The following PDK1 variants were observed in gnomAD, a reference collection of about 807,000 sequenced individuals.
PDK1 encodes the protein pyruvate dehydrogenase kinase 1, also known as [Pyruvate dehydrogenase (acetyl-transferring)] kinase isozyme 1, mitochondrial.
Under a neutral mutation model 54.2 loss-of-function variants are expected in PDK1, and 39 were observed. The observed-to-expected ratio is 0.72, with a 90% confidence interval of 0.56 to 0.94. PDK1 has a LOEUF of 0.94. Ranked by LOEUF, PDK1 falls within the 40% of genes least tolerant of loss-of-function variation. The probability of loss-of-function intolerance (pLI) is 0.00; values close to 1 mark genes in which losing one functional copy is unlikely to be tolerated. For synonymous variants in PDK1, 221 were observed against 207.1 expected (o/e 1.07, Z -0.58); for missense variants, 552 against 566.0 (o/e 0.98, Z 0.25).
chr2:172,586,217 G>T (rs1690218822), intron 8 of PDK1, 61 bp from the exon 9 acceptor site: 2 of 889,510 alleles, frequency 2.2e-6, no homozygotes, highest in South Asian at 1.3e-5. Flanking sequence ...CTATGAGTAT[G>T]TGTTGATATT....
At chr2:172,656,895 A>C in the PDK1 span, among the ~76,000 whole-genome samples, 1 of 152,136 alleles carries the variant, frequency 6.6e-6, no homozygotes, top group Non-Finnish European at 1.5e-5. Flanking sequence ...GTTTGATGAG[A>C]CTCTTGGAGG....
chr2:172,653,787 A>G, the PDK1 span, among the ~76,000 whole-genome samples: 1 of 152,198 alleles, frequency 6.6e-6, no homozygotes, highest in East Asian at 1.9e-4. Flanking sequence ...ATCTAATTAA[A>G]CTAAAGAGCT....
Position 172,604,487 on chromosome 2 carries a change from C to A in PDK1, c.*8518C>A, listed in dbSNP as rs1023642706. Reference sequence around the variant, plus strand: ...AAGTATTTGCTTTTTTTTTAACTTACAAATTTTTTTAAAAAAACGTTTTTC... The same window carrying A: ...AAGTATTTGCTTTTTTTTTAACTTAAAAATTTTTTTAAAAAAACGTTTTTC... On this transcript the variant is annotated 3_prime_UTR_variant, in exon 11 of 11. Coordinates refer to ENST00000282077, the MANE Select transcript of PDK1 (RefSeq NM_002610.5). 10 of 152,166 alleles carry A rather than the reference C, an allele frequency of 6.6e-5. No individual in the cohort carries two copies. The South Asian group carries it at 8.3e-4, about 13-fold the overall frequency. 9.4% of individuals were successfully genotyped at this position (152,166 alleles called of 1,614,324 possible). A position where few individuals can be genotyped will look rare whatever the true frequency, so the allele number is the denominator to read the frequency against.
intron 10 of PDK1, 148 bp from the exon 11 acceptor site, chr2:172,595,681 A>T: frequency 5.1e-6 from 3 of 589,152 alleles, no homozygotes; most frequent in East Asian, 2.9e-5. Context: ...CATACCATTT[A>T]AAAGTATATT....
the PDK1 span, among the ~76,000 whole-genome samples, chr2:172,639,000 A>G: frequency 6.6e-6 from 1 of 152,154 alleles, no homozygotes; most frequent in African/African-American, 2.4e-5. Flanking sequence ...TGCAGAAGAA[A>G]AGAAAAAACA....
At chr2:172,701,639 T>TG in the PDK1 span, among the ~76,000 whole-genome samples, 3 of 131,388 alleles carry the variant, frequency 2.3e-5, no homozygotes, top group African/African-American at 3.2e-5. Flanking sequence ...CTGTTTTTTT[T>TG]TTTGTTTTGT....
rs369804048 is a variant in PDK1 at position 172,607,837 on chromosome 2, A to G, written c.*11868A>G. ...TGTTGATAACTGGCATCTGGAACCT[A>G]CAGTTTCCAGTTCAGAGCAGTACAC... is the stretch of plus-strand genomic sequence containing the variant. On this transcript the variant is annotated 3_prime_UTR_variant, in exon 11 of 11. Transcript: ENST00000282077. 3.3e-5 allele frequency: 5 copies of G among 152,386 alleles called. No individual in the cohort carries two copies. In the East Asian group the frequency reaches 9.6e-4, roughly 29 times the overall value. 9.4% of individuals were successfully genotyped at this position (152,386 alleles called of 1,614,324 possible).
chr2:172,706,945 G>A, the PDK1 span, among the ~76,000 whole-genome samples: 71 of 152,292 alleles, frequency 4.7e-4, no homozygotes, highest in African/African-American at 1.4e-3. Context: ...GCTGGGTGAG[G>A]TGGGAGTTCC....
the PDK1 span, among the ~76,000 whole-genome samples, chr2:172,620,311 A>G: frequency 1.3e-5 from 2 of 152,328 alleles, no homozygotes; most frequent in African/African-American, 4.8e-5. Flanking sequence ...GAACCAGAAG[A>G]CAGAAGCACA....
At chr2:172,584,261 C>T (rs1462425387) in intron 8 of PDK1, among the ~76,000 whole-genome samples, 1 of 151,738 alleles carries the variant, frequency 6.6e-6, no homozygotes, top group Non-Finnish European at 1.5e-5. Flanking sequence ...AACTGAAAAC[C>T]CCAAACAAGA....
chr2:172,592,900 T>C (rs945346827), intron 9 of PDK1, 35 bp from the exon 10 acceptor site: 30 of 1,164,104 alleles, frequency 2.6e-5, no homozygotes, highest in Non-Finnish European at 3.8e-5. Context: ...AGTGTGTGTC[T>C]TTCTGAATAG....
At chr2:172,572,850 AAATTT>A (rs1365811047) in intron 8 of PDK1, among the ~76,000 whole-genome samples, 1 of 152,214 alleles carries the variant, frequency 6.6e-6, no homozygotes, top group Non-Finnish European at 1.5e-5. Flanking sequence ...CATTTTATAT[AAATTT>A]AATCATGCAG....
chr2:172,662,493 C>CGTGTGTGTGTGTGTGTGTGTGTGTGTGT, the PDK1 span, among the ~76,000 whole-genome samples: 31 of 143,614 alleles, frequency 2.2e-4, no homozygotes, highest in East Asian at 1.0e-3. Flanking sequence ...TTTTTAAAAT[C>CGTGTGTGTGTGTGTGTGTGTGTGTGTGT]GTGTGTGTGT....
the PDK1 span, among the ~76,000 whole-genome samples, chr2:172,713,605 C>A: frequency 6.6e-6 from 1 of 152,250 alleles, no homozygotes; most frequent in Admixed American, 6.5e-5. Flanking sequence ...AGCACCTGGG[C>A]TTGGTCACAA....
downstream of PDK1, among the ~76,000 whole-genome samples, chr2:172,610,975 C>T (rs11896032): frequency 0.17 from 25,133 of 152,090 alleles, 2,420 homozygotes; most frequent in African/African-American, 0.24. Flanking sequence ...AAATAGCAAA[C>T]GTGTATCTAA....
At chr2:172,651,377 G>A in the PDK1 span, among the ~76,000 whole-genome samples, 1 of 152,314 alleles carries the variant, frequency 6.6e-6, no homozygotes, top group Admixed American at 6.5e-5. Flanking sequence ...AAGCAGGAAA[G>A]ATCTAAAATT....
At chr2:172,690,582 CAA>C in the PDK1 span, among the ~76,000 whole-genome samples, 5 of 149,980 alleles carry the variant, frequency 3.3e-5, no homozygotes, top group African/African-American at 7.3e-5. Flanking sequence ...TTCACAATAG[CAA>C]AGACTTGGAA....
At chr2:172,685,215 C>T in the PDK1 span, among the ~76,000 whole-genome samples, 1 of 152,340 alleles carries the variant, frequency 6.6e-6, no homozygotes, top group South Asian at 2.1e-4. Flanking sequence ...ACTAATACAA[C>T]AGCTCTACTC....
At chr2:172,633,162 C>T in the PDK1 span, among the ~76,000 whole-genome samples, 1 of 151,572 alleles carries the variant, frequency 6.6e-6, no homozygotes, top group African/African-American at 2.4e-5. Flanking sequence ...CCTGTCTCAG[C>T]CTCCCAAGTA....
Sources: gnomAD v4.1 joint callset for allele counts (sites outside exome capture counted in the v4.1 genomes callset) on GRCh38, gnomAD v4.1.1 for gene constraint, MANE v1.5 for transcripts, NCBI Gene and HGNC (gene_info 2026-07-23, HGNC 2026-07-21) for gene names.